The following HHIPL1 variants were observed in gnomAD, a reference collection of about 807,000 sequenced individuals.
HHIPL1 encodes HHIP like 1.
HHIPL1 carries 43 observed loss-of-function variants against 61.8 expected under a neutral mutation model. The observed-to-expected ratio is 0.70, with a 90% CI of 0.55 to 0.90. The LOEUF (loss-of-function observed/expected upper bound fraction) is 0.90, where lower values mean the gene tolerates loss of function less well. Ranked by LOEUF, HHIPL1 falls within the 40% of genes least tolerant of loss-of-function variation. HHIPL1 has a pLI of 0.00. For missense variants in HHIPL1, 1,056 were observed against 1,157.7 expected (o/e 0.91, Z 1.28); for synonymous variants, 482 against 515.8 (o/e 0.93, Z 0.89).
At chr14:99,637,216 G>GAAAGAA in the HHIPL1 span, among the ~76,000 whole-genome samples, 1 of 121,632 alleles carries the variant, frequency 8.2e-6, no homozygotes, top group Admixed American at 7.8e-5. Context: ...AAGAAAGAAA[G>GAAAGAA]AAAGAAAGAA....
At chr14:99,630,080 C>T in the HHIPL1 span, among the ~76,000 whole-genome samples, 1 of 152,224 alleles carries the variant, frequency 6.6e-6, no homozygotes, top group South Asian at 2.1e-4. Flanking sequence ...TACCCACTTC[C>T]TCAGATAACC....
At chr14:99,671,176 T>C (rs2056322713) in intron 7 of HHIPL1, among the ~76,000 whole-genome samples, 1 of 152,148 alleles carries the variant, frequency 6.6e-6, no homozygotes, top group African/African-American at 2.4e-5. Flanking sequence ...TTATAGTACA[T>C]TTGGAAAATG....
intron 2 of HHIPL1, among the ~76,000 whole-genome samples, chr14:99,654,202 A>AAAAAAAAG (rs2055989226): frequency 6.6e-6 from 1 of 151,118 alleles, no homozygotes; most frequent in Non-Finnish European, 1.5e-5. Flanking sequence ...AAAAAAAAAA[A>AAAAAAAAG]AAAAAAGAAA....
chr14:99,605,515 A>G, the HHIPL1 span, among the ~76,000 whole-genome samples: 1 of 152,100 alleles, frequency 6.6e-6, no homozygotes. Context: ...TAAGCCGTTC[A>G]TTCAGCTGTG....
the HHIPL1 span, among the ~76,000 whole-genome samples, chr14:99,624,200 G>A: frequency 2.6e-5 from 4 of 152,004 alleles, no homozygotes; most frequent in African/African-American, 9.6e-5. Context: ...ACAGCACTCA[G>A]CCACTTCTCC....
At chr14:99,648,479 C>T (rs1354942924) in intron 1 of HHIPL1, among the ~76,000 whole-genome samples, 1 of 152,192 alleles carries the variant, frequency 6.6e-6, no homozygotes, top group African/African-American at 2.4e-5. Flanking sequence ...CACACTGCCT[C>T]CCTCCTTGAA....
At chr14:99,604,842 TG>T in the HHIPL1 span, among the ~76,000 whole-genome samples, 3 of 152,058 alleles carry the variant, frequency 2.0e-5, no homozygotes, top group African/African-American at 7.2e-5. Flanking sequence ...GACTGTGACA[TG>T]GGGGTCGCTC....
rs575636014 is a variant in HHIPL1, at chr14:99,657,040, G to A, written c.943G>A (p.Gly315Arg). 3.7e-6 allele frequency: 6 copies of A among 1,613,404 alleles called. No homozygotes were observed. Among genetic ancestry groups the A allele is most frequent in the Middle Eastern group, 1.7e-4 (1 of 6,054 alleles). ...CAAAGAACCAGCCTCAAACCACAAC[G>A]GGGGCCAGCTGCTTTTCGGGGATGA... Reference protein sequence around the residue: ...EVKEPASNHNGGQLLFGDDGY... With the variant: ...EVKEPASNHNRGQLLFGDDGY... Residue 315 changes from glycine to arginine, a missense_variant, in exon 3 of 9, where the codon GGG becomes AGG. Physicochemically the swap from Gly to Arg is moderately radical, Grantham distance 125. Coordinates refer to ENST00000330710, the MANE Select transcript of HHIPL1 (RefSeq NM_001127258.3).
chr14:99,610,557 C>T, the HHIPL1 span, among the ~76,000 whole-genome samples: 57 of 152,248 alleles, frequency 3.7e-4, no homozygotes, highest in African/African-American at 1.3e-3. Context: ...GCCCGGAGTT[C>T]GAGACCAGCC....
the HHIPL1 span, among the ~76,000 whole-genome samples, chr14:99,622,114 G>C: frequency 6.6e-6 from 1 of 152,100 alleles, no homozygotes; most frequent in African/African-American, 2.4e-5. Context: ...CTGAAAGCAG[G>C]CTATTCTTGT....
the HHIPL1 span, among the ~76,000 whole-genome samples, chr14:99,628,248 T>G: frequency 1.3e-5 from 2 of 152,058 alleles, no homozygotes; most frequent in Non-Finnish European, 2.9e-5. Context: ...TGGCTTTGTG[T>G]GGGGGCAGTC....
chr14:99,654,230 T>A (rs1346200628), intron 2 of HHIPL1, among the ~76,000 whole-genome samples: 2 of 149,724 alleles, frequency 1.3e-5, no homozygotes, highest in Non-Finnish European at 3.0e-5. Flanking sequence ...AAAGGCAACC[T>A]GGGGAAGGCA....
the HHIPL1 span, among the ~76,000 whole-genome samples, chr14:99,607,457 CT>C: frequency 1.3e-5 from 2 of 152,116 alleles, no homozygotes; most frequent in African/African-American, 2.4e-5. Flanking sequence ...TTCTACCCCC[CT>C]TTTTTTAAAG....
chr14:99,617,696 C>T, the HHIPL1 span, among the ~76,000 whole-genome samples: 3 of 152,098 alleles, frequency 2.0e-5, no homozygotes, highest in African/African-American at 4.8e-5. Flanking sequence ...GTAAGGAGGG[C>T]GAGAAATATT....
chr14:99,637,075 AG>A, the HHIPL1 span, among the ~76,000 whole-genome samples: 9 of 103,316 alleles, frequency 8.7e-5, no homozygotes, highest in African/African-American at 2.8e-4. Context: ...AGAAAGAAAG[AG>A]AGAGAAAGAA....
chr14:99,622,890 C>T, the HHIPL1 span, among the ~76,000 whole-genome samples: 1 of 152,244 alleles, frequency 6.6e-6, no homozygotes, highest in Non-Finnish European at 1.5e-5. Flanking sequence ...AAGCACTCAG[C>T]ATGCTGTGGA....
chr14:99,617,667 G>A, the HHIPL1 span, among the ~76,000 whole-genome samples: 3 of 152,262 alleles, frequency 2.0e-5, no homozygotes, highest in Non-Finnish European at 4.4e-5. Flanking sequence ...CTAGCTCTGG[G>A]CTGTGGTGCA....
chr14:99,615,571 G>A, the HHIPL1 span, among the ~76,000 whole-genome samples: 5 of 148,388 alleles, frequency 3.4e-5, no homozygotes, highest in African/African-American at 1.2e-4. Context: ...AAGGAAGGCA[G>A]TTAAAAGAAA....
chr14:99,638,219 A>C, the HHIPL1 span, among the ~76,000 whole-genome samples: 3 of 152,184 alleles, frequency 2.0e-5, no homozygotes, highest in Non-Finnish European at 2.9e-5. Flanking sequence ...ACTCCCCAGC[A>C]CTCACGAGAT....
Sources: gnomAD v4.1 joint callset for allele counts (sites outside exome capture counted in the v4.1 genomes callset) on GRCh38, gnomAD v4.1.1 for gene constraint, MANE v1.5 for transcripts, NCBI Gene and HGNC (gene_info 2026-07-23, HGNC 2026-07-21) for gene names.